Variants in FZR1 observed in about 807,000 individuals in gnomAD.
FZR1 encodes fizzy-related protein homolog.
A neutral mutation model predicts 63.6 loss-of-function variants in FZR1; 11 were observed. The ratio of observed to expected loss-of-function variants is 0.17; its 90% CI spans 0.11 to 0.29. FZR1 has a LOEUF of 0.29. Among genes scored for constraint, FZR1 ranks in the 10% least tolerant of loss-of-function variants. FZR1 has a pLI of 1.00. For missense variants in FZR1, 440 were observed against 687.5 expected, an observed-to-expected ratio of 0.64 and a Z score of 4.03; for synonymous variants, 328 against 297.9, an observed-to-expected ratio of 1.10 and a Z score of -1.04.
In FZR1 at chr19:3,534,778, T is replaced by C; in HGVS notation, c.1441-17T>C. On this transcript the variant is annotated splice_polypyrimidine_tract_variant and intron_variant, in intron 13 of 13. Transcript: ENST00000441788. Reference sequence around the variant, plus strand: ...GGCCTGCGGCTCAGCGCATCTGCCATCCCCATGTGTCTGCAGGAGTCTGTG... The same window carrying C: ...GGCCTGCGGCTCAGCGCATCTGCCACCCCCATGTGTCTGCAGGAGTCTGTG... 1 of 1,611,562 alleles carries C rather than the reference T, an allele frequency of 6.2e-7. No homozygotes were observed. Among genetic ancestry groups the C allele is most frequent in the Non-Finnish European group, 8.5e-7 (1 of 1,178,656 alleles).
At position 3,531,954 on chromosome 19, in the gene FZR1, C is replaced by G. The variant is rs763481649; in HGVS notation, c.867C>G (p.Arg289=). 6.3e-7 allele frequency: 1 copy of G among 1,587,852 alleles called. No individual in the cohort carries two copies. Among genetic ancestry groups the G allele is most frequent in the South Asian group, 1.1e-5 (1 of 88,218 alleles). Reference sequence around the variant, plus strand: ...CTGAGCAGCTGTCGTCCGGGAGCCGCGACCGCATGATCCTGCAGAGGGACA... The same window carrying G: ...CTGAGCAGCTGTCGTCCGGGAGCCGGGACCGCATGATCCTGCAGAGGGACA... ...WNAEQLSSGS[R]DRMILQRDIR... The change falls in exon 10 of 14, where the codon CGC becomes CGG. Residue 289 remains arginine, a synonymous_variant. Coordinates refer to ENST00000441788, the MANE Select transcript of FZR1 (RefSeq NM_016263.4).
Position 3,530,860 on chromosome 19 carries a change from G to A in FZR1, c.720+3G>A. 1 of 1,610,536 alleles carries A rather than the reference G, an allele frequency of 6.2e-7. No individual in the cohort carries two copies. The highest frequency in any genetic ancestry group is 8.5e-7 in the Non-Finnish European group (1 of 1,177,768). On this transcript the variant is annotated splice_donor_region_variant and intron_variant, in intron 8 of 13. Coordinates refer to ENST00000441788, the MANE Select transcript of FZR1 (RefSeq NM_016263.4). ...CCTCCGTGGGCTGGTCTGAGCGGGT[G>A]AGTGCAGAGGGCTTGGCCCCCACCT...
intron 1 of FZR1, among the ~76,000 whole-genome samples, chr19:3,518,923 G>A (rs780841972): frequency 1.3e-5 from 2 of 152,214 alleles, no homozygotes; most frequent in African/African-American, 2.4e-5. Flanking sequence ...TTCTCCACCA[G>A]CTTGATTTTC....
rs1466595922 is a variant in FZR1, at chr19:3,526,669, A to G, written c.387+283A>G. Among the ~76,000 whole-genome samples the G allele has an allele frequency of 1.3e-5, 2 of 152,088 alleles. No individual in the cohort carries two copies. The highest frequency in any genetic ancestry group is 2.9e-5 in the Non-Finnish European group (2 of 68,020). ...ATGCTACCTGGGGTCCCGAACACCC[A>G]AGCCGGTGGGGGTCCTGCCCGTAGG... On this transcript the variant is annotated intron_variant, in intron 5 of 13. Transcript: ENST00000441788. The surrounding 1 kb of genome is among the most constrained non-coding windows in gnomAD (Gnocchi z 5.4).
Position 3,534,519 on chromosome 19 carries a change from G to T in FZR1, c.1440+6G>T. On this transcript the variant is annotated splice_donor_region_variant and intron_variant, in intron 13 of 13. Transcript: ENST00000441788. ...GCAAAACCCGTTCGACAAAGGTAAA[G>T]TGGGTCGGTATCAGCGCCACTCGCC... is the stretch of plus-strand genomic sequence containing the variant. 6.3e-7 allele frequency: 1 copy of T among 1,590,052 alleles called. No homozygotes were observed. The highest frequency in any genetic ancestry group is 8.6e-7 in the Non-Finnish European group (1 of 1,163,294).
chr19:3,508,505 A>G (rs1171348602), intron 1 of FZR1, among the ~76,000 whole-genome samples: 1 of 152,056 alleles, frequency 6.6e-6, no homozygotes, highest in Non-Finnish European at 1.5e-5. Context: ...CCTTACGTTG[A>G]TTTTCAAACC....
chr19:3,518,673 T>G (rs966457100), intron 1 of FZR1, among the ~76,000 whole-genome samples: 1 of 152,200 alleles, frequency 6.6e-6, no homozygotes, highest in Non-Finnish European at 1.5e-5. Context: ...GCTTTTACTT[T>G]GGCAGCTAGT....
rs1247908865 is a variant in FZR1 at position 3,516,182 on chromosome 19, T to C, written c.-34-6774T>C. Among the ~76,000 whole-genome samples, 2 of 152,234 alleles carry C rather than the reference T, an allele frequency of 1.3e-5. No individual in the cohort carries two copies. The highest frequency in any genetic ancestry group is 2.9e-5 in the Non-Finnish European group (2 of 68,042). ...TCTGCCAACCATGAGTGCGTGTGGC[T>C]GTCTCTCCCCACGCCTGGGATGGTG... is the stretch of plus-strand genomic sequence containing the variant. On this transcript the variant is annotated intron_variant, in intron 1 of 13. Coordinates refer to ENST00000441788, the MANE Select transcript of FZR1 (RefSeq NM_016263.4). The surrounding 1 kb of genome is among the most constrained non-coding windows in gnomAD (Gnocchi z 6.0).
At chr19:3,530,267 CGGATGGGAGA>C (rs1207911269) in intron 7 of FZR1, among the ~76,000 whole-genome samples, 1 of 120,194 alleles carries the variant, frequency 8.3e-6, no homozygotes, top group Non-Finnish European at 1.7e-5. Flanking sequence ...GATGGGAGAG[CGGATGGGAGA>C]GCGGATGGGA....
intron 1 of FZR1, among the ~76,000 whole-genome samples, chr19:3,510,517 C>T (rs934312339): frequency 6.6e-6 from 1 of 152,222 alleles, no homozygotes; most frequent in Non-Finnish European, 1.5e-5. Context: ...GAATCTTCCT[C>T]TCTCCCAGAT....
intron 2 of FZR1, among the ~76,000 whole-genome samples, chr19:3,524,769 G>A (rs1292457993): frequency 6.6e-6 from 1 of 152,156 alleles, no homozygotes; most frequent in African/African-American, 2.4e-5. Context: ...ATCCGTGGCT[G>A]TGACCACGTC....
chr19:3,511,982 T>A (rs1199107364), intron 1 of FZR1, among the ~76,000 whole-genome samples: 1 of 152,126 alleles, frequency 6.6e-6, no homozygotes, highest in Non-Finnish European at 1.5e-5. Context: ...CTGGTTCTGG[T>A]CCAGAGTCCA....
chr19:3,513,188 C>A (rs1301528342), intron 1 of FZR1, among the ~76,000 whole-genome samples: 2 of 152,088 alleles, frequency 1.3e-5, no homozygotes, highest in African/African-American at 2.4e-5. Context: ...GCCAGCCCAC[C>A]CCCTGGCTCT....
chr19:3,533,746 A>G lies in FZR1; in HGVS notation c.1347+348A>G, dbSNP rs995229557. ...TGTGAACGTCCTACACAGTAACTGT[A>G]TGCACGTGGCTGGATGGGGGCCAGG... On this transcript the variant is annotated intron_variant, in intron 12 of 13. Coordinates refer to ENST00000441788, the MANE Select transcript of FZR1 (RefSeq NM_016263.4). The surrounding 1 kb of genome is among the most constrained non-coding windows in gnomAD (Gnocchi z 4.9). 36 of 246,546 alleles carry G rather than the reference A, an allele frequency of 1.5e-4. No homozygotes were observed. The highest frequency in any genetic ancestry group is 2.7e-4 in the Non-Finnish European group (34 of 128,212). 15.3% of individuals were successfully genotyped at this position (246,546 alleles called of 1,614,324 possible).
Position 3,526,454 on chromosome 19 carries a change from A to G in FZR1, c.387+68A>G, listed in dbSNP as rs2286543. On this transcript the variant is annotated intron_variant, in intron 5 of 13. Coordinates refer to ENST00000441788, the MANE Select transcript of FZR1 (RefSeq NM_016263.4). The surrounding 1 kb of genome is among the most constrained non-coding windows in gnomAD (Gnocchi z 5.4). ...CAGCCTCCCCGGCCCCCCACCTCCC[A>G]GGCACCAGCTCTGCCTCCCCGAGCC... is the stretch of plus-strand genomic sequence containing the variant. 0.49 allele frequency: 652,971 copies of G among 1,330,888 alleles called. 168,998 individuals are homozygous for G. The highest frequency in any genetic ancestry group is 0.85 in the East Asian group (33,580 of 39,716). 82.4% of individuals were successfully genotyped at this position (1,330,888 alleles called of 1,614,324 possible).
intron 1 of FZR1, among the ~76,000 whole-genome samples, chr19:3,508,202 T>TTC (rs1411321746): frequency 1.5e-5 from 2 of 135,902 alleles, no homozygotes; most frequent in African/African-American, 5.9e-5. Flanking sequence ...TTGATTTTCT[T>TTC]TTTTTTTTTT....
chr19:3,526,439 G>A lies in FZR1; in HGVS notation c.387+53G>A, dbSNP rs569002775. 77 of 1,454,354 alleles carry A rather than the reference G, an allele frequency of 5.3e-5. No individual in the cohort carries two copies. Among genetic ancestry groups the A allele is most frequent in the Admixed American group, 3.2e-4 (16 of 50,372 alleles). 90.1% of individuals were successfully genotyped at this position (1,454,354 alleles called of 1,614,324 possible). A position where few individuals can be genotyped will look rare whatever the true frequency, so the allele number is the denominator to read the frequency against. On this transcript the variant is annotated intron_variant, in intron 5 of 13. Coordinates refer to ENST00000441788, the MANE Select transcript of FZR1 (RefSeq NM_016263.4). This position sits in a 1 kb window ranked among gnomAD's most constrained non-coding sequence, Gnocchi z 5.4. ...AGCTGGCTCCCAGTGCAGCCTCCCC[G>A]GCCCCCCACCTCCCAGGCACCAGCT...
chr19:3,535,181 C>CCTTTTTTAATGATACGGCGA lies in FZR1; in HGVS notation c.*346_*347insTTTTTTAATGATACGGCGAC. On this transcript the variant is annotated 3_prime_UTR_variant, in exon 14 of 14. Transcript: ENST00000441788. ...ACTGCCTCCGTCTGTTCATCACCTG[C>CCTTTTTTAATGATACGGCGA]CCACCGGAGCCGCATGCTCTTCCTG... The CCTTTTTTAATGATACGGCGA allele has an allele frequency of 2.8e-6, 1 of 362,270 alleles. No homozygotes were observed. The highest frequency in any genetic ancestry group is 6.8e-5 in the East Asian group (1 of 14,616). The allele number at this position is 362,270 out of a possible 1,614,324, so 22.4% of individuals were successfully genotyped here.
In FZR1 at chr19:3,515,789, C is replaced by G. The variant is rs1599774393; in HGVS notation, c.-34-7167C>G. 6.7e-6 allele frequency among the ~76,000 whole-genome samples: 1 copy of G among 150,062 alleles called. No homozygotes were observed. Among genetic ancestry groups the G allele is most frequent in the African/African-American group, 2.5e-5 (1 of 40,748 alleles). ...TCTAAAAAAAAAAAAAAAAGGAATTCAAGAAGTACAAAACGAGGTGCCAGG... is the reference window on the plus strand; with the variant it reads ...TCTAAAAAAAAAAAAAAAAGGAATTGAAGAAGTACAAAACGAGGTGCCAGG... On this transcript the variant is annotated intron_variant, in intron 1 of 13. Transcript: ENST00000441788. This position sits in a 1 kb window ranked among gnomAD's most constrained non-coding sequence, Gnocchi z 4.6.
Sources: allele counts gnomAD v4.1 joint callset (sites outside exome capture counted in the v4.1 genomes callset), GRCh38; gene constraint gnomAD v4.1.1; non-coding constraint Gnocchi (gnomAD v3.1); transcripts MANE v1.5; gene names NCBI Gene and HGNC (gene_info 2026-07-23, HGNC 2026-07-21).